KIAA1671: variants seen among roughly 807,000 people sequenced by gnomAD.
KIAA1671 encodes the protein uncharacterized protein KIAA1671.
KIAA1671 carries 52 observed loss-of-function variants against 131.2 expected under a neutral mutation model. That is an observed-to-expected ratio of 0.40 (90% CI 0.32 to 0.50). The LOEUF is 0.50. Ranked by LOEUF, KIAA1671 falls within the 20% of genes least tolerant of loss-of-function variation. The probability of loss-of-function intolerance (pLI) is 0.73; values close to 1 mark genes in which losing one functional copy is unlikely to be tolerated. For missense variants in KIAA1671, 2,360 were observed against 2,364.2 expected (o/e 1.00, Z 0.04); for synonymous variants, 1,003 against 961.6 (o/e 1.04, Z -0.80).
chr22:24,987,761 G>A (rs891758813), intron 1 of KIAA1671, among the ~76,000 whole-genome samples: 1 of 152,184 alleles, frequency 6.6e-6, no homozygotes, highest in African/African-American at 2.4e-5. Flanking sequence ...CTGGCTAAAT[G>A]ACAGCTAGTC....
intron 1 of KIAA1671, among the ~76,000 whole-genome samples, chr22:24,989,470 G>A (rs569652017): frequency 1.3e-5 from 2 of 152,130 alleles, no homozygotes; most frequent in South Asian, 2.1e-4. Context: ...TTGCTCTATC[G>A]CCTTCATAGC....
chr22:24,974,769 T>C (rs1444829553), intron 1 of KIAA1671, among the ~76,000 whole-genome samples: 3 of 144,846 alleles, frequency 2.1e-5, no homozygotes, highest in African/African-American at 5.1e-5. Context: ...CTCGGCTCAC[T>C]GCAACCTCAA....
At chr22:25,117,186 G>A (rs888023858) in intron 6 of KIAA1671, among the ~76,000 whole-genome samples, 3 of 150,302 alleles carry the variant, frequency 2.0e-5, no homozygotes, top group Admixed American at 6.6e-5. Flanking sequence ...ATAATGTGGT[G>A]TGGGGCACAA....
At chr22:25,160,606 G>A (rs1568986340) in intron 6 of KIAA1671, among the ~76,000 whole-genome samples, 1 of 152,112 alleles carries the variant, frequency 6.6e-6, no homozygotes, top group Non-Finnish European at 1.5e-5. Flanking sequence ...CTGCCCCACT[G>A]AGTAGTGTCC....
At chr22:25,151,189 A>G (rs867550455) in intron 6 of KIAA1671, among the ~76,000 whole-genome samples, 7 of 152,024 alleles carry the variant, frequency 4.6e-5, no homozygotes, top group Non-Finnish European at 7.4e-5. Flanking sequence ...GTAGAAAAAT[A>G]AGTTTATAGA....
intron 6 of KIAA1671, chr22:25,111,893 T>C: frequency 4.6e-6 from 1 of 217,922 alleles, no homozygotes; most frequent in Non-Finnish European, 9.0e-6. Flanking sequence ...GAACCTGGAC[T>C]GCCCAGTGTG....
At chr22:25,147,653 A>G (rs550593079) in intron 6 of KIAA1671, among the ~76,000 whole-genome samples, 1 of 152,078 alleles carries the variant, frequency 6.6e-6, no homozygotes, top group South Asian at 2.1e-4. Flanking sequence ...AGCCAGCCCT[A>G]TTTAAAATCA....
chr22:25,030,126 T>C (rs1318731249), intron 3 of KIAA1671, among the ~76,000 whole-genome samples: 1 of 152,238 alleles, frequency 6.6e-6, no homozygotes, highest in Admixed American at 6.5e-5. Context: ...TCTAAGTCAG[T>C]TGGTTAATAC....
intron 6 of KIAA1671, among the ~76,000 whole-genome samples, chr22:25,067,118 G>T (rs1043496846): frequency 1.3e-5 from 2 of 152,126 alleles, no homozygotes; most frequent in Non-Finnish European, 1.5e-5. Flanking sequence ...CTTCTCCTGG[G>T]GGTGTGCCCT....
intron 1 of KIAA1671, among the ~76,000 whole-genome samples, chr22:24,962,480 G>A (rs57826359): frequency 0.013 from 1,908 of 152,214 alleles, 45 homozygotes; most frequent in African/African-American, 0.044. Context: ...ACCTGGAGCC[G>A]GACTGCTTGG....
At chr22:24,976,649 C>T (rs1602038733) in intron 1 of KIAA1671, among the ~76,000 whole-genome samples, 2 of 152,334 alleles carry the variant, frequency 1.3e-5, no homozygotes, top group East Asian at 3.9e-4. Context: ...GCACCCAGCA[C>T]CCCTGTGGGT....
At chr22:25,003,672 A>G (rs1197969779) in intron 1 of KIAA1671, among the ~76,000 whole-genome samples, 1 of 152,000 alleles carries the variant, frequency 6.6e-6, no homozygotes, top group Non-Finnish European at 1.5e-5. Flanking sequence ...TCGGCCTCCC[A>G]AAGTGCTGGG....
chr22:25,092,843 T>G (rs1488950650), intron 6 of KIAA1671, among the ~76,000 whole-genome samples: 1 of 151,806 alleles, frequency 6.6e-6, no homozygotes, highest in Non-Finnish European at 1.5e-5. Context: ...TGCGAGTTGG[T>G]GGGAAGAGAT....
chr22:25,039,047 C>T lies in KIAA1671; in HGVS notation c.1917C>T (p.Asp639=). Residue 639 remains aspartate, a synonymous_variant, in exon 5 of 13, where the codon GAC becomes GAT. Transcript: ENST00000358431. The stretch of plus-strand genomic sequence containing the variant: ...GTCTCTCCACCACACCCCCTGGTGA[C>T]ATGGCCCATGCCCGTGTCTCAGAAC... ...GRCLSTTPPG[D]MAHARVSEPR... 3.2e-6 allele frequency: 5 copies of T among 1,551,728 alleles called. No individual in the cohort carries two copies. The highest frequency in any genetic ancestry group is 2.4e-5 in the East Asian group (1 of 40,922).
intron 8 of KIAA1671, chr22:25,174,945 A>G (rs903120682): frequency 1.3e-5 from 2 of 153,638 alleles, no homozygotes; most frequent in Non-Finnish European, 2.9e-5. Flanking sequence ...TGTCCCTGGT[A>G]TCAGGGGATC....
At chr22:25,093,834 GTCTGTCTCTCTCTCTCTCTCTCTC>G (rs1930250388) in intron 6 of KIAA1671, among the ~76,000 whole-genome samples, 2 of 16,942 alleles carry the variant, frequency 1.2e-4, no homozygotes, top group Non-Finnish European at 2.2e-4. Flanking sequence ...TTCTCTCTCT[GTCTGTCTCTCTCTCTCTCTCTCTC>G]TCTCTCTCTC....
At position 25,075,368 on chromosome 22, in the gene KIAA1671, C is replaced by T. The variant is rs112819028; in HGVS notation, c.4530+26004C>T. Among the ~76,000 whole-genome samples, 278 of 152,326 alleles carry T rather than the reference C, an allele frequency of 1.8e-3. 2 individuals are homozygous for T. Among genetic ancestry groups the T allele is most frequent in the African/African-American group, 6.5e-3 (272 of 41,566 alleles). Reference sequence around the variant, plus strand: ...GAGAAACCTTGTCTTATTCTACTTTCACCAGTTTTGTCACGAATGTTCTTT... The same window carrying T: ...GAGAAACCTTGTCTTATTCTACTTTTACCAGTTTTGTCACGAATGTTCTTT... On this transcript the variant is annotated intron_variant, in intron 6 of 12. Coordinates refer to ENST00000358431, the MANE Select transcript of KIAA1671 (RefSeq NM_001145206.2).
At chr22:24,995,562 G>A (rs575671945) in intron 1 of KIAA1671, among the ~76,000 whole-genome samples, 12 of 151,386 alleles carry the variant, frequency 7.9e-5, no homozygotes, top group Non-Finnish European at 1.5e-4. Flanking sequence ...GTTTCGCCAC[G>A]TTGCCCAGGA....
At chr22:25,119,878 G>A (rs988090218) in intron 6 of KIAA1671, among the ~76,000 whole-genome samples, 3 of 152,216 alleles carry the variant, frequency 2.0e-5, no homozygotes, top group African/African-American at 7.2e-5. Context: ...GGAGAGGTGA[G>A]CTCAGAGAGG....
Sources: allele counts gnomAD v4.1 joint callset (sites outside exome capture counted in the v4.1 genomes callset), GRCh38; gene constraint gnomAD v4.1.1; transcripts MANE v1.5; gene names NCBI Gene and HGNC (gene_info 2026-07-23, HGNC 2026-07-21).